Variants in ATRNL1 observed in about 807,000 individuals in gnomAD.
ATRNL1 encodes the protein attractin-like protein 1.
ATRNL1 carries 95 observed loss-of-function variants against 182.7 expected under a neutral mutation model. That is an observed-to-expected ratio of 0.52 (90% CI 0.44 to 0.62). The LOEUF (loss-of-function observed/expected upper bound fraction) is 0.62. Among genes scored for constraint, ATRNL1 ranks in the 20% least tolerant of loss-of-function variants. The pLI is 0.00. For missense variants in ATRNL1, 1,471 were observed against 1,679.5 expected (o/e 0.88, Z 2.17); for synonymous variants, 576 against 568.3 (o/e 1.01, Z -0.19).
intron 18 of ATRNL1, 93 bp downstream of exon 18, chr10:115,315,829 G>GA: frequency 1.0e-6 from 1 of 983,458 alleles, no homozygotes; most frequent in Non-Finnish European, 1.5e-6. Context: ...TTAGCTTTAG[G>GA]AAAAAAGCAG....
At chr10:115,619,762 A>G (rs1565219017) in intron 26 of ATRNL1, among the ~76,000 whole-genome samples, 1 of 152,204 alleles carries the variant, frequency 6.6e-6, no homozygotes, top group Non-Finnish European at 1.5e-5. Flanking sequence ...AATTTCATTT[A>G]TAAAGTTTCT....
intron 18 of ATRNL1, among the ~76,000 whole-genome samples, chr10:115,323,047 A>G (rs1158232452): frequency 1.3e-5 from 2 of 152,050 alleles, no homozygotes; most frequent in Non-Finnish European, 2.9e-5. Flanking sequence ...GTTTTCAGAA[A>G]TGATGTTTTC....
At chr10:115,782,180 G>A (rs1174295081) in intron 27 of ATRNL1, among the ~76,000 whole-genome samples, 2 of 152,146 alleles carry the variant, frequency 1.3e-5, no homozygotes, top group African/African-American at 4.8e-5. Flanking sequence ...GAGCCCAGAT[G>A]TTCTTGAACC....
intron 26 of ATRNL1, among the ~76,000 whole-genome samples, chr10:115,717,089 A>T (rs1947274476): frequency 6.6e-6 from 1 of 152,082 alleles, no homozygotes; most frequent in African/African-American, 2.4e-5. Context: ...ATAAATTACA[A>T]CCACCTGGCC....
intron 26 of ATRNL1, among the ~76,000 whole-genome samples, chr10:115,573,061 G>A (rs1555003933): frequency 6.6e-6 from 1 of 152,186 alleles, no homozygotes; most frequent in African/African-American, 2.4e-5. Flanking sequence ...TGGACCTTCT[G>A]CCTTATTGCA....
chr10:115,233,041 G>C (rs1397756237), intron 9 of ATRNL1, among the ~76,000 whole-genome samples: 2 of 151,956 alleles, frequency 1.3e-5, no homozygotes, highest in African/African-American at 4.8e-5. Flanking sequence ...GGCAGCTCCA[G>C]ACATTCCTGG....
chr10:115,640,346 G>T (rs1322401461), intron 26 of ATRNL1, among the ~76,000 whole-genome samples: 4 of 152,128 alleles, frequency 2.6e-5, no homozygotes, highest in African/African-American at 7.2e-5. Flanking sequence ...TTGAGGAATT[G>T]CCATACTGTC....
chr10:115,315,730 T>C lies in ATRNL1; in HGVS notation c.3031T>C (p.Cys1011Arg). Residue 1011 changes from cysteine (C) to arginine (R), a missense_variant, in exon 18 of 29, where the codon TGT (cysteine) becomes CGT (arginine). Physicochemically the swap from Cys to Arg is radical, Grantham distance 180 (BLOSUM62 -3). This residue lies in a region of ATRNL1 where 437 missense variants were observed against 506.0 expected (regional missense o/e 0.86). Transcript: ENST00000355044. ...GAACTATGAGTGGTCCTTTATCCAGTGTCCAGGTAATAATAATGTAATGGA... is the reference window on the plus strand; with the variant it reads ...GAACTATGAGTGGTCCTTTATCCAGCGTCCAGGTAATAATAATGTAATGGA... ...EKNYEWSFIQ[C>R]PACQCNGHST... is the part of the protein sequence containing the mutation. 1 of 1,610,912 alleles carries C rather than the reference T, an allele frequency of 6.2e-7. No individual in the cohort carries two copies. Among genetic ancestry groups the C allele is most frequent in the Non-Finnish European group, 8.5e-7 (1 of 1,178,428 alleles).
intron 15 of ATRNL1, among the ~76,000 whole-genome samples, chr10:115,298,663 C>T (rs1203605416): frequency 6.6e-6 from 1 of 152,024 alleles, no homozygotes; most frequent in Non-Finnish European, 1.5e-5. Context: ...ATATGCTGGT[C>T]ACAATGTGAA....
At chr10:115,271,388 T>A (rs529277701) in intron 13 of ATRNL1, among the ~76,000 whole-genome samples, 3 of 152,186 alleles carry the variant, frequency 2.0e-5, no homozygotes, top group South Asian at 4.1e-4. Flanking sequence ...CACTCATTAA[T>A]TCGTCATTTA....
intron 28 of ATRNL1, among the ~76,000 whole-genome samples, chr10:115,906,509 T>C (rs1338599560): frequency 6.6e-6 from 1 of 152,194 alleles, no homozygotes; most frequent in African/African-American, 2.4e-5. Flanking sequence ...AATGCCTTTA[T>C]TCAAAACAAT....
intron 26 of ATRNL1, among the ~76,000 whole-genome samples, chr10:115,594,850 G>A (rs1555013476): frequency 6.6e-6 from 1 of 152,170 alleles, no homozygotes; most frequent in East Asian, 1.9e-4. Context: ...AAAGAGATCA[G>A]CAGGTGGTTT....
intron 19 of ATRNL1, among the ~76,000 whole-genome samples, chr10:115,351,909 A>G (rs1856276811): frequency 1.3e-5 from 2 of 152,074 alleles, no homozygotes; most frequent in South Asian, 2.1e-4. Flanking sequence ...TCTTCTGTAA[A>G]TGATTTGTAG....
intron 25 of ATRNL1, among the ~76,000 whole-genome samples, chr10:115,523,559 G>A (rs116042993): frequency 6.6e-6 from 1 of 152,266 alleles, no homozygotes; most frequent in African/African-American, 2.4e-5. Context: ...GTGAACATAA[G>A]CTGTTAAAAG....
chr10:115,299,908 T>C, intron 15 of ATRNL1, 126 bp from the exon 16 acceptor site: 2 of 652,974 alleles, frequency 3.1e-6, no homozygotes, highest in Non-Finnish European at 5.2e-6. Context: ...GTACTAAAAC[T>C]CATTAGAAAG....
In ATRNL1 at chr10:115,127,617, G is replaced by A. The variant is rs1371596730; in HGVS notation, c.516G>A (p.Arg172=). ...GTGGTTTGATAGTCCCTGAAATAAG[G>A]GGCAATGAAACTGTGCCTGAAGTTG... ...VLSGLIVPEI[R]GNETVPEVVT... The change falls in exon 4 of 29, where the codon AGG becomes AGA. Residue 172 remains arginine (R), a synonymous_variant. Coordinates refer to ENST00000355044, the MANE Select transcript of ATRNL1 (RefSeq NM_207303.4). The A allele has an allele frequency of 6.2e-7, 1 of 1,608,918 alleles. No individual in the cohort carries two copies. Among genetic ancestry groups the A allele is most frequent in the African/African-American group, 1.3e-5 (1 of 74,514 alleles).
At chr10:115,256,826 G>T (rs1050305663) in intron 10 of ATRNL1, among the ~76,000 whole-genome samples, 1 of 152,104 alleles carries the variant, frequency 6.6e-6, no homozygotes, top group African/African-American at 2.4e-5. Context: ...CAGAGATTCT[G>T]GTATATTGTG....
chr10:115,261,771 A>G (rs1438796116), intron 10 of ATRNL1, among the ~76,000 whole-genome samples: 8 of 152,078 alleles, frequency 5.3e-5, no homozygotes, highest in South Asian at 2.1e-4. Flanking sequence ...GTGTGCACCT[A>G]TAATTCCAGA....
chr10:115,245,920 A>C (rs1489427963), intron 10 of ATRNL1, among the ~76,000 whole-genome samples: 4 of 152,134 alleles, frequency 2.6e-5, no homozygotes, highest in African/African-American at 9.7e-5. Flanking sequence ...CATTTCTTTC[A>C]ATGAATTTAG....
Sources: allele counts gnomAD v4.1 joint callset (sites outside exome capture counted in the v4.1 genomes callset), GRCh38; gene constraint gnomAD v4.1.1; regional missense constraint gnomAD v4.1.1; transcripts MANE v1.5; gene names NCBI Gene and HGNC (gene_info 2026-07-23, HGNC 2026-07-21).